Variants in ANKRD12 observed in about 807,000 individuals in gnomAD.
ANKRD12 encodes ankyrin repeat domain 12.
A neutral mutation model predicts 183.4 loss-of-function variants in ANKRD12; 85 were observed. The observed-to-expected ratio is 0.46, with a 90% confidence interval of 0.39 to 0.56. The LOEUF is 0.56. Among genes scored for constraint, ANKRD12 ranks in the 20% least tolerant of loss-of-function variants. ANKRD12 has a pLI of 0.00. For synonymous variants in ANKRD12, 914 were observed against 800.2 expected, an observed-to-expected ratio of 1.14 and a Z score of -2.40; for missense variants, 2,405 against 2,357.1, an observed-to-expected ratio of 1.02 and a Z score of -0.42.
chr18:9,211,622 C>G lies in ANKRD12; in HGVS notation c.490C>G (p.Gln164Glu), dbSNP rs1408135288. 8 of 1,613,636 alleles carry G rather than the reference C, an allele frequency of 5.0e-6. No individual in the cohort carries two copies. Among genetic ancestry groups the G allele is most frequent in the Admixed American group, 1.7e-5 (1 of 59,964 alleles). Residue 164 changes from glutamine to glutamate, a missense_variant, in exon 6 of 13, where the codon CAA becomes GAA. Coordinates refer to ENST00000262126, the MANE Select transcript of ANKRD12 (RefSeq NM_015208.5). ...TCATCCATCACAAACAACGCCTGCC[C>G]AAAAGAAAACTCCCAGTTCTTCATC... ...PNHPSQTTPA[Q>E]KKTPSSSSRQ...
chr18:9,258,930 CAGTA>C lies in ANKRD12; in HGVS notation c.5664+5_5664+8del. ...CCCTTAAGCAAGATTTGTATTCCCA[CAGTA>C]AGTAACATCATCACTTGCTATACAC... is the stretch of plus-strand genomic sequence containing the variant. On this transcript the variant is annotated splice_donor_variant and splice_donor_region_variant and coding_sequence_variant and intron_variant, in exon 9 of 13. Transcript: ENST00000262126. LOFTEE classifies it high-confidence loss of function. 1 of 1,596,658 alleles carries C rather than the reference CAGTA, an allele frequency of 6.3e-7. No individual in the cohort carries two copies. Among genetic ancestry groups the C allele is most frequent in the Non-Finnish European group, 8.5e-7 (1 of 1,171,192 alleles).
intron 8 of ANKRD12, chr18:9,249,756 A>AT (rs1364487957): frequency 6.6e-6 from 1 of 152,232 alleles, no homozygotes; most frequent in Non-Finnish European, 1.5e-5. Flanking sequence ...ATAGGTATAA[A>AT]TTCCTGAACT....
intron 11 of ANKRD12, among the ~76,000 whole-genome samples, chr18:9,277,327 T>C (rs1425806557): frequency 6.9e-6 from 1 of 144,822 alleles, no homozygotes; most frequent in Non-Finnish European, 1.5e-5. Flanking sequence ...GTTTCTTTTT[T>C]TTTTTTTTTT....
At chr18:9,226,608 C>A (rs2036729402) in intron 8 of ANKRD12, among the ~76,000 whole-genome samples, 1 of 151,858 alleles carries the variant, frequency 6.6e-6, no homozygotes, top group South Asian at 2.1e-4. Context: ...TTTTTACATA[C>A]CCTTTTCACA....
At chr18:9,210,892 TC>T (rs2035766488) in intron 5 of ANKRD12, among the ~76,000 whole-genome samples, 1 of 151,998 alleles carries the variant, frequency 6.6e-6, no homozygotes, top group African/African-American at 2.4e-5. Flanking sequence ...TTGTAAATTT[TC>T]AGAATTAATT....
chr18:9,223,335 G>C (rs2036528648), intron 8 of ANKRD12, among the ~76,000 whole-genome samples: 1 of 151,408 alleles, frequency 6.6e-6, no homozygotes, highest in Admixed American at 6.6e-5. Flanking sequence ...CTCACTGCAA[G>C]CTCCGCCTCC....
chr18:9,256,097 A>G lies in ANKRD12; in HGVS notation c.2830A>G (p.Ser944Gly). The G allele has an allele frequency of 6.4e-7, 1 of 1,560,232 alleles. No homozygotes were observed. The highest frequency in any genetic ancestry group is 1.4e-5 in the African/African-American group (1 of 71,968). The change falls in exon 9 of 13, where the codon AGT becomes GGT. Residue 944 changes from serine to glycine, a missense_variant. Around this residue, in one of 7 missense-constraint regions of ANKRD12, gnomAD observed 1,983 missense variants for 1,725.9 expected, o/e 1.15. Coordinates refer to ENST00000262126, the MANE Select transcript of ANKRD12 (RefSeq NM_015208.5). ...KNKQSDNSEY[S>G]KSEKGKNKEK... ...TAAACAATCAGATAATAGTGAATAC[A>G]GTAAATCAGAAAAAGGCAAAAATAA... is the stretch of plus-strand genomic sequence containing the variant.
At position 9,175,523 on chromosome 18, in the gene ANKRD12, C is replaced by CTTTTTTTTTTTTTT. The variant is rs33944736; in HGVS notation, c.-51-6844_-51-6831dup. Among the ~76,000 whole-genome samples, 38 of 53,312 alleles carry CTTTTTTTTTTTTTT rather than the reference C, an allele frequency of 7.1e-4. 10 individuals are homozygous for CTTTTTTTTTTTTTT. Among genetic ancestry groups the CTTTTTTTTTTTTTT allele is most frequent in the Non-Finnish European group, 9.9e-4 (31 of 31,444 alleles). 35.0% of individuals were successfully genotyped at this position (53,312 alleles called of 152,430 possible). On this transcript the variant is annotated intron_variant, in intron 1 of 12. Coordinates refer to ENST00000262126, the MANE Select transcript of ANKRD12 (RefSeq NM_015208.5). ...CTTGATCAGTTTTTCAAAGGCTCCT[C>CTTTTTTTTTTTTTT]TTTTTTTTTTTTTTTTTTTTTTTTT...
At chr18:9,227,827 C>T (rs1168141176) in intron 8 of ANKRD12, among the ~76,000 whole-genome samples, 2 of 152,118 alleles carry the variant, frequency 1.3e-5, no homozygotes, top group Admixed American at 1.3e-4. Context: ...GTCATCTCTT[C>T]TAGTTACTTT....
At chr18:9,246,464 TTATATC>T (rs1261669889) in intron 8 of ANKRD12, among the ~76,000 whole-genome samples, 5 of 152,292 alleles carry the variant, frequency 3.3e-5, no homozygotes, top group South Asian at 2.1e-4. Context: ...CATGAAAAGT[TTATATC>T]TATATATTTC....
Position 9,137,282 on chromosome 18 carries a change from TGGGCGGGGGCGCTGCGCGGGGCG to T in ANKRD12, c.-52+328_-52+350del, listed in dbSNP as rs1189983745. Among the ~76,000 whole-genome samples the T allele has an allele frequency of 2.7e-4, 39 of 146,168 alleles. No individual in the cohort carries two copies. The East Asian group carries it at 5.8e-3, about 22-fold the overall frequency. ...CGCGGCGCAGGTGGGAGCCGCCAACTGGGCGGGGGCGCTGCGCGGGGCGGGGCGGGGGCCGGGCGGAGGGCCGC... is the reference window on the plus strand; with the variant it reads ...CGCGGCGCAGGTGGGAGCCGCCAACTGGGCGGGGGCCGGGCGGAGGGCCGC... On this transcript the variant is annotated intron_variant, in intron 1 of 12. Coordinates refer to ENST00000262126, the MANE Select transcript of ANKRD12 (RefSeq NM_015208.5).
intron 1 of ANKRD12, among the ~76,000 whole-genome samples, chr18:9,162,262 C>T (rs1054843559): frequency 3.1e-4 from 45 of 146,590 alleles, no homozygotes; most frequent in African/African-American, 8.8e-4. Flanking sequence ...GTGTTCTCAT[C>T]GTTGAGCTCA....
chr18:9,251,669 C>T (rs2038308045), intron 8 of ANKRD12, among the ~76,000 whole-genome samples: 1 of 152,106 alleles, frequency 6.6e-6, no homozygotes, highest in Non-Finnish European at 1.5e-5. Flanking sequence ...TGGCAGGCGC[C>T]TGTAGTCCCA....
rs1429997291 is a variant in ANKRD12, at chr18:9,281,638, A to G, written c.*512A>G. On this transcript the variant is annotated 3_prime_UTR_variant, in exon 13 of 13. Coordinates refer to ENST00000262126, the MANE Select transcript of ANKRD12 (RefSeq NM_015208.5). ...AGTTTTAATATTGTCTTCCTTTTTA[A>G]TAACTTATTTTATACATATTGTGCA... is the stretch of plus-strand genomic sequence containing the variant. The G allele has an allele frequency of 1.3e-5, 2 of 152,666 alleles. No homozygotes were observed. The highest frequency in any genetic ancestry group is 4.8e-5 in the African/African-American group (2 of 41,454). 9.5% of individuals were successfully genotyped at this position (152,666 alleles called of 1,614,324 possible). A position where few individuals can be genotyped will look rare whatever the true frequency, so the allele number is the denominator to read the frequency against.
intron 3 of ANKRD12, among the ~76,000 whole-genome samples, chr18:9,202,962 CTTAGT>C (rs2144528692): frequency 6.6e-6 from 1 of 152,254 alleles, no homozygotes; most frequent in South Asian, 2.1e-4. Flanking sequence ...TAATTGAAAG[CTTAGT>C]TTATTCACTG....
chr18:9,230,455 TG>T (rs1414631224), intron 8 of ANKRD12, among the ~76,000 whole-genome samples: 1 of 152,168 alleles, frequency 6.6e-6, no homozygotes, highest in Non-Finnish European at 1.5e-5. Context: ...CTCTGTATTT[TG>T]TTTAGTTCTG....
rs764149472 is a variant in ANKRD12, at chr18:9,257,867, G to A, written c.4600G>A (p.Ala1534Thr). The stretch of plus-strand genomic sequence containing the variant: ...AAATGCAGTTCAGATTATTAGTTCT[G>A]CTTTAGATACTGATAATGAATCTAC... Reference protein sequence around the residue: ...QKNAVQIISSALDTDNESTKD... With the variant: ...QKNAVQIISSTLDTDNESTKD... Residue 1534 changes from alanine to threonine, a missense_variant, in exon 9 of 13, where the codon GCT becomes ACT. Coordinates refer to ENST00000262126, the MANE Select transcript of ANKRD12 (RefSeq NM_015208.5). The A allele has an allele frequency of 1.2e-6, 2 of 1,613,496 alleles. No homozygotes were observed. Among genetic ancestry groups the A allele is most frequent in the Admixed American group, 3.3e-5 (2 of 59,850 alleles).
At chr18:9,140,348 T>A (rs1274438995) in intron 1 of ANKRD12, among the ~76,000 whole-genome samples, 1 of 152,214 alleles carries the variant, frequency 6.6e-6, no homozygotes, top group Non-Finnish European at 1.5e-5. Flanking sequence ...TCTGCTGTTT[T>A]ACAGATAACT....
intron 1 of ANKRD12, among the ~76,000 whole-genome samples, chr18:9,137,386 C>A (rs1216035363): frequency 6.8e-6 from 1 of 146,476 alleles, no homozygotes; most frequent in Non-Finnish European, 1.5e-5. Flanking sequence ...GGGCTGCCGC[C>A]GCCTCCCGGA....
Sources: gnomAD v4.1 joint callset for allele counts (sites outside exome capture counted in the v4.1 genomes callset) on GRCh38, gnomAD v4.1.1 for gene constraint, gnomAD v4.1.1 regional missense constraint, MANE v1.5 for transcripts, NCBI Gene and HGNC (gene_info 2026-07-23, HGNC 2026-07-21) for gene names.